NFATC2: variants seen among roughly 807,000 people sequenced by gnomAD.
NFATC2 encodes nuclear factor of activated T-cells, cytoplasmic 2.
Under a neutral mutation model 87.3 loss-of-function variants are expected in NFATC2, and 22 were observed. That is an observed-to-expected ratio of 0.25 (90% CI 0.18 to 0.36). The LOEUF (loss-of-function observed/expected upper bound fraction) is 0.36. Among genes scored for constraint, NFATC2 ranks in the 10% least tolerant of loss-of-function variants. The probability of loss-of-function intolerance (pLI) is 1.00; values close to 1 mark genes in which losing one functional copy is unlikely to be tolerated. For missense variants in NFATC2, 1,149 were observed against 1,259.1 expected (o/e 0.91, Z 1.32); for synonymous variants, 565 against 542.2 (o/e 1.04, Z -0.58).
intron 1 of NFATC2, among the ~76,000 whole-genome samples, chr20:51,541,547 G>A (rs568432349): frequency 2.7e-3 from 416 of 152,272 alleles, no homozygotes; most frequent in Middle Eastern, 6.8e-3. Flanking sequence ...CAGCAACTGA[G>A]GGCAGTTGGA....
intron 9 of NFATC2, among the ~76,000 whole-genome samples, chr20:51,421,006 C>T (rs1028473988): frequency 6.6e-6 from 1 of 150,800 alleles, no homozygotes; most frequent in Non-Finnish European, 1.5e-5. Flanking sequence ...CACTGCAGTG[C>T]ACCATGATTA....
intron 3 of NFATC2, among the ~76,000 whole-genome samples, chr20:51,500,655 CCCTCCACCCCCA>C (rs2076065724): frequency 1.8e-5 from 2 of 110,050 alleles, no homozygotes; most frequent in Admixed American, 9.2e-5. Flanking sequence ...CACCACCCCC[CCCTCCACCCCCA>C]CCCTCACCAC....
Position 51,516,859 on chromosome 20 carries a change from A to G in NFATC2, c.1257T>C (p.His419=). The change falls in exon 3 of 11, where the codon CAT becomes CAC. Residue 419 remains histidine (H), a synonymous_variant. Transcript: ENST00000371564. ...CTTCTGTCTCATAGTGGGCCCGGTG[A>G]TGTGGCTTGGGCTGCACCTCGATCC... ...ELRIEVQPKP[H]HRAHYETEGS... 2 of 1,614,132 alleles carry G rather than the reference A, an allele frequency of 1.2e-6. No individual in the cohort carries two copies. The highest frequency in any genetic ancestry group is 1.7e-6 in the Non-Finnish European group (2 of 1,180,008).
upstream of NFATC2, among the ~76,000 whole-genome samples, chr20:51,545,969 G>T (rs2076886649): frequency 1.3e-5 from 2 of 152,122 alleles, no homozygotes; most frequent in Admixed American, 6.5e-5. Context: ...AATCCTTAGA[G>T]TTTTCTTTAA....
chr20:51,542,104 C>A (rs577418273), intron 1 of NFATC2, among the ~76,000 whole-genome samples: 17 of 152,188 alleles, frequency 1.1e-4, no homozygotes, highest in Non-Finnish European at 2.4e-4. Context: ...CTGCCTGCCA[C>A]CTTTTGTTTT....
At chr20:51,398,991 G>C in intron 9 of NFATC2, 1 of 381,654 alleles carries the variant, frequency 2.6e-6, no homozygotes, top group Non-Finnish European at 4.8e-6. Context: ...AGCGTGTTCA[G>C]GGTGGACAAA....
chr20:51,535,931 G>A (rs2076712791), intron 1 of NFATC2, among the ~76,000 whole-genome samples: 1 of 152,100 alleles, frequency 6.6e-6, no homozygotes, highest in Non-Finnish European at 1.5e-5. Context: ...ACCAACCCAG[G>A]AAAAGCAATC....
chr20:51,418,381 G>A (rs1980339212), intron 9 of NFATC2, among the ~76,000 whole-genome samples: 1 of 152,238 alleles, frequency 6.6e-6, no homozygotes, highest in Non-Finnish European at 1.5e-5. Context: ...CACATCTGGG[G>A]TGCTACTGGC....
intron 5 of NFATC2, among the ~76,000 whole-genome samples, chr20:51,465,127 C>A (rs1705769244): frequency 1.3e-5 from 2 of 152,144 alleles, no homozygotes; most frequent in Admixed American, 1.3e-4. Context: ...GTGGCTCAGG[C>A]CTGTAATCCC....
intron 9 of NFATC2, among the ~76,000 whole-genome samples, chr20:51,424,785 C>T (rs1465050296): frequency 3.9e-5 from 6 of 151,918 alleles, no homozygotes; most frequent in African/African-American, 1.2e-4. Flanking sequence ...GTACGTTTTA[C>T]CACCTTTTGT....
intron 5 of NFATC2, among the ~76,000 whole-genome samples, chr20:51,465,550 T>C (rs1987599646): frequency 6.6e-6 from 1 of 152,008 alleles, no homozygotes; most frequent in South Asian, 2.1e-4. Flanking sequence ...ACCTTTCTCC[T>C]CCCTGGAGAC....
At position 51,444,032 on chromosome 20, in the gene NFATC2, G is replaced by C. The variant is rs185183750; in HGVS notation, c.1850-8271C>G. Among the ~76,000 whole-genome samples, 4 of 152,216 alleles carry C rather than the reference G, an allele frequency of 2.6e-5. No homozygotes were observed. In the East Asian group the frequency reaches 7.7e-4, roughly 29 times the overall value. On this transcript the variant is annotated intron_variant, in intron 6 of 10. Coordinates refer to ENST00000371564, the MANE Select transcript of NFATC2 (RefSeq NM_012340.5). ...GGGTCTCACTTCATTGCCCAGGCAGGAGTCCATGGCGCGATCTCAGCTCAC... is the reference window on the plus strand; with the variant it reads ...GGGTCTCACTTCATTGCCCAGGCAGCAGTCCATGGCGCGATCTCAGCTCAC...
chr20:51,433,736 C>T (rs986911085), intron 8 of NFATC2, among the ~76,000 whole-genome samples: 2 of 148,042 alleles, frequency 1.4e-5, no homozygotes, highest in Non-Finnish European at 3.0e-5. Flanking sequence ...TGTGTGTGCG[C>T]ATGCGTGTGT....
rs948440845 is a variant in NFATC2 at position 51,542,630 on chromosome 20, G to C, written c.-131C>G. On this transcript the variant is annotated 5_prime_UTR_variant, in exon 1 of 11. Coordinates refer to ENST00000371564, the MANE Select transcript of NFATC2 (RefSeq NM_012340.5). ...CCTTTCCTCGTAGGGACGCACGCCGGGTCCGGGGACGGCGCGCCTGGCGCA... is the reference window on the plus strand; with the variant it reads ...CCTTTCCTCGTAGGGACGCACGCCGCGTCCGGGGACGGCGCGCCTGGCGCA... 12 of 1,203,648 alleles carry C rather than the reference G, an allele frequency of 1.0e-5. No individual in the cohort carries two copies. The East Asian group carries it at 4.0e-4, about 40-fold the overall frequency. The allele number at this position is 1,203,648 out of a possible 1,614,324, so 74.6% of individuals were successfully genotyped here.
At chr20:51,510,815 C>T (rs928297777) in intron 3 of NFATC2, among the ~76,000 whole-genome samples, 4 of 152,138 alleles carry the variant, frequency 2.6e-5, no homozygotes, top group Non-Finnish European at 4.4e-5. Context: ...AGAGAAACTA[C>T]CTCGATCCGG....
At chr20:51,557,908 T>C (rs932585403) in intron 1 of NFATC2, among the ~76,000 whole-genome samples, 11 of 152,032 alleles carry the variant, frequency 7.2e-5, no homozygotes, top group African/African-American at 2.7e-4. Context: ...CATGGACAAA[T>C]AGTCAGATAA....
intron 3 of NFATC2, among the ~76,000 whole-genome samples, chr20:51,501,441 A>G (rs1486977699): frequency 6.6e-6 from 1 of 152,256 alleles, no homozygotes; most frequent in African/African-American, 2.4e-5. Context: ...AATCAGACTC[A>G]GCTGGCTCCA....
At chr20:51,425,426 T>G (rs1385562919) in intron 9 of NFATC2, among the ~76,000 whole-genome samples, 2 of 152,182 alleles carry the variant, frequency 1.3e-5, no homozygotes, top group Non-Finnish European at 2.9e-5. Context: ...GCTCTCCAGG[T>G]GCCCACAGCC....
intron 9 of NFATC2, among the ~76,000 whole-genome samples, chr20:51,416,181 G>C (rs1980015857): frequency 6.6e-6 from 1 of 152,094 alleles, no homozygotes; most frequent in South Asian, 2.1e-4. Flanking sequence ...AGAATCACTT[G>C]AACCCTGAAG....
Sources: gnomAD v4.1 joint callset for allele counts (sites outside exome capture counted in the v4.1 genomes callset) on GRCh38, gnomAD v4.1.1 for gene constraint, MANE v1.5 for transcripts, NCBI Gene and HGNC (gene_info 2026-07-23, HGNC 2026-07-21) for gene names.